DNAH10: variants seen among roughly 807,000 people sequenced by gnomAD.
The protein encoded by DNAH10 is dynein axonemal heavy chain 10, also known as axonemal beta dynein heavy chain 10.
A neutral mutation model predicts 506.6 loss-of-function variants in DNAH10; 348 were observed. The ratio of observed to expected loss-of-function variants is 0.69; its 90% CI spans 0.63 to 0.75. DNAH10 has a LOEUF of 0.75. Ranked by LOEUF, DNAH10 falls within the 30% of genes least tolerant of loss-of-function variation. The pLI is 0.00. For missense variants in DNAH10, 5,179 were observed against 5,787.1 expected (o/e 0.89, Z 3.41); for synonymous variants, 2,059 against 2,198.6 (o/e 0.94, Z 1.78).
chr12:123,874,870 TGTCCATCTGCCC>T (rs943509414), intron 46 of DNAH10, among the ~76,000 whole-genome samples: 28 of 152,094 alleles, frequency 1.8e-4, no homozygotes, highest in African/African-American at 6.3e-4. Context: ...TCCATCTGTC[TGTCCATCTGCCC>T]ATCCATCAAT....
intron 5 of DNAH10, among the ~76,000 whole-genome samples, chr12:123,775,517 T>G (rs1957406941): frequency 6.6e-6 from 1 of 152,180 alleles, no homozygotes; most frequent in South Asian, 2.1e-4. Context: ...GATATTGAAC[T>G]GAGACCCAAA....
chr12:123,771,371 A>G (rs1957246303), intron 2 of DNAH10, among the ~76,000 whole-genome samples: 2 of 152,320 alleles, frequency 1.3e-5, no homozygotes, highest in South Asian at 4.1e-4. Context: ...CGCAGACACA[A>G]ACATGTAAAA....
chr12:123,791,901 G>A (rs1958093854), intron 11 of DNAH10, among the ~76,000 whole-genome samples: 1 of 152,116 alleles, frequency 6.6e-6, no homozygotes, highest in Non-Finnish European at 1.5e-5. Context: ...AGAAAAAACA[G>A]CTCCATGCTT....
chr12:123,897,245 C>T (rs1953293372), intron 54 of DNAH10, among the ~76,000 whole-genome samples: 1 of 152,192 alleles, frequency 6.6e-6, no homozygotes, highest in Non-Finnish European at 1.5e-5. Context: ...ATCCATTCCT[C>T]CGTTGCTGGA....
chr12:123,898,528 G>A, intron 55 of DNAH10, 125 bp from the exon 56 acceptor site: 6 of 1,244,488 alleles, frequency 4.8e-6, no homozygotes, highest in Non-Finnish European at 6.5e-6. Flanking sequence ...GGTACTGAAA[G>A]ACATGTGCCA....
intron 10 of DNAH10, among the ~76,000 whole-genome samples, chr12:123,788,977 C>T (rs1034083642): frequency 5.3e-5 from 8 of 150,454 alleles, no homozygotes; most frequent in African/African-American, 1.2e-4. Flanking sequence ...CGGCTAGATG[C>T]GGTGGCTCAC....
chr12:123,897,239 A>T lies in DNAH10; in HGVS notation c.9281-531A>T, dbSNP rs562525031. On this transcript the variant is annotated intron_variant, in intron 54 of 78. Coordinates refer to ENST00000673944, the MANE Select transcript of DNAH10 (RefSeq NM_001372106.1). ...TAGATAGGACACATTTTGTTCATCC[A>T]TTCCTCCGTTGCTGGACGCTTGGGT... Among the ~76,000 whole-genome samples, 179 of 152,262 alleles carry T rather than the reference A, an allele frequency of 1.2e-3. 2 individuals are homozygous for T. The highest frequency in any genetic ancestry group is 2.1e-4 in the Non-Finnish European group (14 of 68,008).
Position 123,924,360 on chromosome 12 carries a change from A to G in DNAH10, c.11694A>G (p.Leu3898=). The part of the protein sequence containing the change: ...SDQGWEDIIL[L]SEMFSDNFGQ... ...AAGGATGGGAAGATATCATTCTTTT[A>G]TCAGAAATGTTTTCAGACAACTTTG... The change falls in exon 67 of 79, where the codon TTA becomes TTG. Residue 3898 remains leucine (L), a synonymous_variant. Transcript: ENST00000673944. 2 of 1,613,850 alleles carry G rather than the reference A, an allele frequency of 1.2e-6. No homozygotes were observed. Among genetic ancestry groups the G allele is most frequent in the Non-Finnish European group, 8.5e-7 (1 of 1,179,810 alleles).
Position 123,766,326 on chromosome 12 carries a change from A to G in DNAH10, c.215-1280A>G, listed in dbSNP as rs538934838. Among the ~76,000 whole-genome samples the G allele has an allele frequency of 4.4e-4, 63 of 141,696 alleles. 1 individual carries two copies. Among genetic ancestry groups the G allele is most frequent in the African/African-American group, 1.8e-3 (60 of 34,002 alleles). 93.0% of individuals were successfully genotyped at this position (141,696 alleles called of 152,430 possible). On this transcript the variant is annotated intron_variant, in intron 1 of 78. Coordinates refer to ENST00000673944, the MANE Select transcript of DNAH10 (RefSeq NM_001372106.1). ...CTACCTACCTACCTGCTTGTCATCT[A>G]TATCTGTCTATCCTTGTTCCATCTA...
At chr12:123,884,016 C>T (rs1162351598) in intron 51 of DNAH10, among the ~76,000 whole-genome samples, 1 of 152,166 alleles carries the variant, frequency 6.6e-6, no homozygotes, top group Non-Finnish European at 1.5e-5. Flanking sequence ...CTCTTCTCCT[C>T]CTGGCAAGCA....
rs1959298297 is a variant in DNAH10, at chr12:123,820,675, A to G, written c.4096A>G (p.Ile1366Val). Residue 1366 changes from isoleucine to valine, a missense_variant, in exon 24 of 79, where the codon ATT (isoleucine) becomes GTT (valine). Around this residue, in one of 3 missense-constraint regions of DNAH10, gnomAD observed 4,844 missense variants for 5,430.5 expected, o/e 0.89. Transcript: ENST00000673944. ...CGCTGAGAAACTTTTCGATCTTCCTATTACAATGTACCCAGAGCTGCTGAA... is the reference window on the plus strand; with the variant it reads ...CGCTGAGAAACTTTTCGATCTTCCTGTTACAATGTACCCAGAGCTGCTGAA... ...ANAEKLFDLP[I>V]TMYPELLKVQ... 6.2e-7 allele frequency: 1 copy of G among 1,613,988 alleles called. No homozygotes were observed. Among genetic ancestry groups the G allele is most frequent in the East Asian group, 2.2e-5 (1 of 44,886 alleles).
chr12:123,835,298 C>G, intron 27 of DNAH10, 108 bp from the exon 28 acceptor site: 1 of 1,324,976 alleles, frequency 7.5e-7, no homozygotes, highest in Non-Finnish European at 1.0e-6. Context: ...GGAAGGTCCT[C>G]CCACCTGAGT....
chr12:123,767,993 C>T (rs770500787), intron 2 of DNAH10, among the ~76,000 whole-genome samples: 10 of 152,182 alleles, frequency 6.6e-5, no homozygotes, highest in Admixed American at 1.3e-4. Flanking sequence ...GAGGATCCTT[C>T]CTAGCCTCCT....
intron 26 of DNAH10, among the ~76,000 whole-genome samples, chr12:123,832,897 CTGAA>C (rs1960724919): frequency 1.3e-5 from 2 of 152,140 alleles, no homozygotes; most frequent in East Asian, 3.8e-4. Context: ...GCTTTGAGGA[CTGAA>C]TGAGATCGTG....
In DNAH10 at chr12:123,776,863, T is replaced by A. The variant is rs143745155; in HGVS notation, c.621+2599T>A. Among the ~76,000 whole-genome samples the A allele has an allele frequency of 4.5e-3, 685 of 152,240 alleles. 5 individuals are homozygous for A. The highest frequency in any genetic ancestry group is 0.016 in the African/African-American group (649 of 41,514). On this transcript the variant is annotated intron_variant, in intron 5 of 78. Transcript: ENST00000673944. ...AGGTCTCTGCCTCGTGGAGCTTTCATTCTAGACAGGAAGATGTACATTAAC... is the reference window on the plus strand; with the variant it reads ...AGGTCTCTGCCTCGTGGAGCTTTCAATCTAGACAGGAAGATGTACATTAAC...
rs1431252967 is a variant in DNAH10, at chr12:123,787,784, G to A, written c.1422-20G>A. The A allele has an allele frequency of 2.5e-6, 4 of 1,608,520 alleles. No individual in the cohort carries two copies. Among genetic ancestry groups the A allele is most frequent in the South Asian group, 2.2e-5 (2 of 89,776 alleles). On this transcript the variant is annotated intron_variant, in intron 9 of 78. Transcript: ENST00000673944. The surrounding 1 kb of genome is among the most constrained non-coding windows in gnomAD (Gnocchi z 4.6). Reference sequence around the variant, plus strand: ...CGGAGCTCCGCCCTCCTCCCATCACGGCATCTCTTGGCTTCGCAGAGAAAA... The same window carrying A: ...CGGAGCTCCGCCCTCCTCCCATCACAGCATCTCTTGGCTTCGCAGAGAAAA...
chr12:123,850,592 C>T lies in DNAH10; in HGVS notation c.6103-296C>T, dbSNP rs999581200. ...AGGTTAAGTGACCTGCTGAGGGTCACACAGCTTCTTGTATCAGCCCCAGAC... is the reference window on the plus strand; with the variant it reads ...AGGTTAAGTGACCTGCTGAGGGTCATACAGCTTCTTGTATCAGCCCCAGAC... On this transcript the variant is annotated intron_variant, in intron 34 of 78. Transcript: ENST00000673944. The surrounding 1 kb of genome is among the most constrained non-coding windows in gnomAD (Gnocchi z 5.5). Among the ~76,000 whole-genome samples the T allele has an allele frequency of 6.6e-6, 1 of 152,206 alleles. No individual in the cohort carries two copies. Among genetic ancestry groups the T allele is most frequent in the Non-Finnish European group, 1.5e-5 (1 of 68,032 alleles).
chr12:123,909,193 G>A lies in DNAH10; in HGVS notation c.9816-68G>A. The A allele has an allele frequency of 6.4e-7, 1 of 1,562,718 alleles. No individual in the cohort carries two copies. The highest frequency in any genetic ancestry group is 8.7e-7 in the Non-Finnish European group (1 of 1,153,842). The stretch of plus-strand genomic sequence containing the variant: ...TTTTGGTTGAGCTCGTTTTTCTGGA[G>A]CTCTCTTTCAGGCCAGATCCTGGCC... On this transcript the variant is annotated intron_variant, in intron 57 of 78. Transcript: ENST00000673944. This position sits in a 1 kb window ranked among gnomAD's most constrained non-coding sequence, Gnocchi z 5.4.
rs533297425 is a variant in DNAH10, at chr12:123,931,832, G to T, written c.13113G>T (p.Leu4371=). 6.2e-7 allele frequency: 1 copy of T among 1,613,904 alleles called. No individual in the cohort carries two copies. Among genetic ancestry groups the T allele is most frequent in the Non-Finnish European group, 8.5e-7 (1 of 1,179,896 alleles). Residue 4371 remains leucine, a synonymous_variant, in exon 75 of 79, where the codon CTG becomes CTT. Coordinates refer to ENST00000673944, the MANE Select transcript of DNAH10 (RefSeq NM_001372106.1). ...TTGTGGTCCGGATGACGAAGTCTCT[G>T]GCTGAACTTCAAAGGGTGAGCCTGT... ...NKLVVRMTKS[L]AELQRALAGE...
Sources: gnomAD v4.1 joint callset for allele counts (sites outside exome capture counted in the v4.1 genomes callset) on GRCh38, gnomAD v4.1.1 for gene constraint, gnomAD v4.1.1 regional missense constraint, Gnocchi (gnomAD v3.1) non-coding constraint, MANE v1.5 for transcripts, NCBI Gene and HGNC (gene_info 2026-07-23, HGNC 2026-07-21) for gene names.